LRRTM4: variants seen among roughly 807,000 people sequenced by gnomAD.
The protein encoded by LRRTM4 is leucine-rich repeat transmembrane neuronal protein 4.
In LRRTM4, 25 loss-of-function variants were observed where a neutral mutation model predicts 47.6. That is an observed-to-expected ratio of 0.53 (90% CI 0.38 to 0.73). The LOEUF (loss-of-function observed/expected upper bound fraction) is 0.73, where lower values mean the gene tolerates loss of function less well. LRRTM4 is among the 30% of genes least tolerant of loss of function. The pLI, the probability that LRRTM4 is intolerant of heterozygous loss-of-function variation, is 0.00. For missense variants in LRRTM4, 638 were observed against 713.4 expected (o/e 0.89, Z 1.20); for synonymous variants, 311 against 269.5 (o/e 1.15, Z -1.51).
intron 3 of LRRTM4, among the ~76,000 whole-genome samples, chr2:77,097,941 T>C (rs1475663650): frequency 1.3e-5 from 2 of 151,906 alleles, no homozygotes; most frequent in Non-Finnish European, 2.9e-5. Flanking sequence ...TTTATGATTA[T>C]ATGAGAATAA....
intron 3 of LRRTM4, among the ~76,000 whole-genome samples, chr2:77,446,679 G>T (rs1005024313): frequency 6.6e-6 from 1 of 151,894 alleles, no homozygotes; most frequent in African/African-American, 2.4e-5. Context: ...AAGAGTCAGA[G>T]CTTGGACTTC....
At chr2:77,074,013 T>A (rs6756744) in intron 3 of LRRTM4, among the ~76,000 whole-genome samples, 1 of 152,038 alleles carries the variant, frequency 6.6e-6, no homozygotes, top group African/African-American at 2.4e-5. Flanking sequence ...ACATATTGTG[T>A]ACATTTATAT....
At chr2:77,411,846 G>A (rs2103861421) in intron 3 of LRRTM4, among the ~76,000 whole-genome samples, 1 of 151,986 alleles carries the variant, frequency 6.6e-6, no homozygotes, top group African/African-American at 2.4e-5. Context: ...TTTAAAAAAG[G>A]CAGTTTGCTT....
In LRRTM4 at chr2:77,099,031, T is replaced by G. The variant is rs541827108; in HGVS notation, c.1552-350115A>C. Among the ~76,000 whole-genome samples the G allele has an allele frequency of 2.1e-3, 316 of 151,974 alleles. 1 individual carries two copies. The highest frequency in any genetic ancestry group is 7.3e-3 in the African/African-American group (305 of 41,548). ...AAAATTATACATTTTGATGGTAATT[T>G]AAATTCATTAAAAACACTAGGGAAT... On this transcript the variant is annotated intron_variant, in intron 3 of 3. Transcript: ENST00000409884.
intron 3 of LRRTM4, among the ~76,000 whole-genome samples, chr2:77,125,922 TA>T (rs1160644216): frequency 1.3e-5 from 2 of 150,206 alleles, no homozygotes; most frequent in Non-Finnish European, 3.0e-5. Context: ...TATATATATA[TA>T]TACTATGTAT....
chr2:77,431,025 A>G (rs1361105372), intron 3 of LRRTM4, among the ~76,000 whole-genome samples: 1 of 148,862 alleles, frequency 6.7e-6, no homozygotes, highest in Non-Finnish European at 1.5e-5. Context: ...AGACTCTGGA[A>G]CTGGCATGAG....
At chr2:76,935,919 C>T (rs1474176932) in intron 3 of LRRTM4, among the ~76,000 whole-genome samples, 1 of 152,044 alleles carries the variant, frequency 6.6e-6, no homozygotes, top group East Asian at 1.9e-4. Flanking sequence ...TTTCTTGTGC[C>T]AGTTTTCAAA....
chr2:77,259,220 T>G (rs1675850909), intron 3 of LRRTM4, among the ~76,000 whole-genome samples: 1 of 152,084 alleles, frequency 6.6e-6, no homozygotes. Context: ...GAATTCTGAC[T>G]CTTCCAGTAA....
chr2:77,203,778 T>G (rs964920), intron 3 of LRRTM4, among the ~76,000 whole-genome samples: 45 of 152,142 alleles, frequency 3.0e-4, no homozygotes, highest in African/African-American at 8.9e-4. Context: ...TGGTAACACC[T>G]CTGTGTCAAG....
intron 3 of LRRTM4, among the ~76,000 whole-genome samples, chr2:76,812,729 T>TCTC (rs991106349): frequency 3.3e-5 from 4 of 121,472 alleles, no homozygotes; most frequent in Non-Finnish European, 5.0e-5. Flanking sequence ...TTTCTCTTTT[T>TCTC]CTCCTCCTCC....
At chr2:77,406,119 T>C (rs567986987) in intron 3 of LRRTM4, among the ~76,000 whole-genome samples, 10 of 152,208 alleles carry the variant, frequency 6.6e-5, no homozygotes, top group African/African-American at 2.4e-4. Flanking sequence ...TAGTGTCCTG[T>C]CTTCTTTCAG....
rs375522074 is a variant in LRRTM4, at chr2:77,103,471, A to G, written c.1552-354555T>C. ...AGCCATCCATCTGTAAGAATGAGAA[A>G]GCACTTGTTCGCTGAGCATGTTAAT... On this transcript the variant is annotated intron_variant, in intron 3 of 3. Transcript: ENST00000409884. Among the ~76,000 whole-genome samples, 332 of 152,244 alleles carry G rather than the reference A, an allele frequency of 2.2e-3. 11 individuals carry two copies. In the South Asian group the frequency reaches 0.049, roughly 23 times the overall value.
intron 3 of LRRTM4, among the ~76,000 whole-genome samples, chr2:77,370,806 C>T (rs1439421374): frequency 6.6e-6 from 1 of 151,730 alleles, no homozygotes; most frequent in Non-Finnish European, 1.5e-5. Flanking sequence ...CTCTGACATG[C>T]ATTCGCCGAG....
At chr2:76,818,235 T>TTA (rs1282580678) in intron 3 of LRRTM4, among the ~76,000 whole-genome samples, 1 of 151,954 alleles carries the variant, frequency 6.6e-6, no homozygotes, top group Admixed American at 6.6e-5. Flanking sequence ...AATGTTTTCT[T>TTA]TATACGTATT....
At chr2:77,354,552 G>A (rs776304597) in intron 3 of LRRTM4, among the ~76,000 whole-genome samples, 1 of 152,042 alleles carries the variant, frequency 6.6e-6, no homozygotes, top group African/African-American at 2.4e-5. Flanking sequence ...GTCATCATGG[G>A]CAAGTATTTT....
chr2:77,502,623 G>A lies in LRRTM4; in HGVS notation c.1551+15695C>T, dbSNP rs1443021299. ...TTTTATTGTATACAAGACATGGAGT[G>A]AGGCACTGGAATTATAAAGTCCAAC... On this transcript the variant is annotated intron_variant, in intron 3 of 3. Transcript: ENST00000409884. 2.6e-5 allele frequency among the ~76,000 whole-genome samples: 4 copies of A among 151,672 alleles called. 1 individual carries two copies. The highest frequency in any genetic ancestry group is 4.1e-4 in the South Asian group (2 of 4,824).
chr2:77,448,657 T>C (rs561597233), intron 3 of LRRTM4, among the ~76,000 whole-genome samples: 1 of 152,216 alleles, frequency 6.6e-6, no homozygotes, highest in East Asian at 1.9e-4. Context: ...AAGTAAAATA[T>C]TAGTGTGGGC....
At chr2:77,119,438 T>C (rs1192499111) in intron 3 of LRRTM4, among the ~76,000 whole-genome samples, 1 of 151,858 alleles carries the variant, frequency 6.6e-6, no homozygotes, top group Non-Finnish European at 1.5e-5. Context: ...GTTAAGAATC[T>C]TTACTGAAGG....
At chr2:77,017,782 T>C (rs1312880404) in intron 3 of LRRTM4, among the ~76,000 whole-genome samples, 1 of 143,636 alleles carries the variant, frequency 7.0e-6, no homozygotes, top group Middle Eastern at 3.2e-3. Context: ...AATTGTCTCC[T>C]AACTTTATTT....
Sources: gnomAD v4.1 joint callset for allele counts (sites outside exome capture counted in the v4.1 genomes callset) on GRCh38, gnomAD v4.1.1 for gene constraint, MANE v1.5 for transcripts, NCBI Gene and HGNC (gene_info 2026-07-23, HGNC 2026-07-21) for gene names.